SCRG1: variants seen among roughly 807,000 people sequenced by gnomAD.
SCRG1 encodes the protein scrapie-responsive protein 1.
A neutral mutation model predicts 7.7 loss-of-function variants in SCRG1; 3 were observed. The ratio of observed to expected loss-of-function variants is 0.39; its 90% CI spans 0.18 to 1.01. The LOEUF is 1.01. SCRG1 is among the 50% of genes least tolerant of loss of function. The pLI is 0.36. For synonymous variants in SCRG1, 46 were observed against 41.2 expected (o/e 1.12, Z -0.44); for missense variants, 110 against 117.2 (o/e 0.94, Z 0.28).
chr4:173,506,864 G>T, the SCRG1 span, among the ~76,000 whole-genome samples: 1 of 152,284 alleles, frequency 6.6e-6, no homozygotes, highest in Admixed American at 6.5e-5. This position sits in a 1 kb window ranked among gnomAD's most constrained non-coding sequence, Gnocchi z 5.3. Context: ...ATCGGTCTGG[G>T]AGCGAGTGGT....
chr4:173,473,640 G>T, the SCRG1 span, among the ~76,000 whole-genome samples: 1 of 152,144 alleles, frequency 6.6e-6, no homozygotes, highest in Non-Finnish European at 1.5e-5. Context: ...GGAAAAAGAG[G>T]CAGGGCTCAG....
rs749325462 is a variant in SCRG1 at position 173,387,705 on chromosome 4, C to CT, written c.*635dup. 0.024 allele frequency: 1,602 copies of CT among 66,950 alleles called. 6 individuals carry two copies. Among genetic ancestry groups the CT allele is most frequent in the Middle Eastern group, 0.037 (3 of 82 alleles). 4.1% of individuals were successfully genotyped at this position (66,950 alleles called of 1,614,324 possible). A position where few individuals can be genotyped will look rare whatever the true frequency, so the allele number is the denominator to read the frequency against. ...TACCCTCAAATATTGTTCCCTTTTC[C>CT]TTTTTTTTTTTTTTTTTTTTTTTTC... On this transcript the variant is annotated 3_prime_UTR_variant, in exon 3 of 3. Coordinates refer to ENST00000296506, the MANE Select transcript of SCRG1 (RefSeq NM_007281.4).
the SCRG1 span, among the ~76,000 whole-genome samples, chr4:173,446,417 A>G: frequency 6.6e-6 from 1 of 152,206 alleles, no homozygotes; most frequent in South Asian, 2.1e-4. Context: ...GGAAAAGCCA[A>G]TTTTAATGAA....
intron 1 of SCRG1, among the ~76,000 whole-genome samples, chr4:173,405,272 G>C (rs1372048739): frequency 2.0e-5 from 3 of 152,096 alleles, no homozygotes; most frequent in Non-Finnish European, 4.4e-5. Flanking sequence ...TTAAACTTGG[G>C]TTATGTGTTT....
chr4:173,450,295 G>T, the SCRG1 span, among the ~76,000 whole-genome samples: 3 of 152,156 alleles, frequency 2.0e-5, no homozygotes, highest in Admixed American at 6.5e-5. Flanking sequence ...TCTTTCCTTT[G>T]ACATTACAAT....
chr4:173,487,228 T>C, the SCRG1 span, among the ~76,000 whole-genome samples: 1 of 152,228 alleles, frequency 6.6e-6, no homozygotes, highest in Non-Finnish European at 1.5e-5. Context: ...AAATGAGACA[T>C]CTGGCAGATG....
the SCRG1 span, among the ~76,000 whole-genome samples, chr4:173,471,937 G>T: frequency 5.0e-4 from 76 of 152,172 alleles, no homozygotes; most frequent in African/African-American, 1.7e-3. Flanking sequence ...TCGAGCTCCT[G>T]ACCTCAGGTG....
the SCRG1 span, among the ~76,000 whole-genome samples, chr4:173,510,786 C>G: frequency 6.6e-6 from 1 of 152,130 alleles, no homozygotes; most frequent in Non-Finnish European, 1.5e-5. This position sits in a 1 kb window ranked among gnomAD's most constrained non-coding sequence, Gnocchi z 5.7. Context: ...TCGATAATCT[C>G]CAGGATCCAA....
the SCRG1 span, among the ~76,000 whole-genome samples, chr4:173,433,889 G>A: frequency 6.6e-6 from 1 of 152,184 alleles, no homozygotes; most frequent in Non-Finnish European, 1.5e-5. Context: ...CCTACTCTAT[G>A]AGGCTCTCAT....
At chr4:173,494,510 T>C in the SCRG1 span, among the ~76,000 whole-genome samples, 1 of 152,274 alleles carries the variant, frequency 6.6e-6, no homozygotes, top group African/African-American at 2.4e-5. Context: ...TACGCTCCAC[T>C]CGGAGCAAGC....
chr4:173,485,155 A>G, the SCRG1 span, among the ~76,000 whole-genome samples: 1 of 20,348 alleles, frequency 4.9e-5, no homozygotes, highest in South Asian at 8.9e-4. Flanking sequence ...AATGTAATAT[A>G]TAATATATTA....
At chr4:173,397,252 A>G (rs1185498400) in intron 1 of SCRG1, among the ~76,000 whole-genome samples, 2 of 152,118 alleles carry the variant, frequency 1.3e-5, no homozygotes, top group Non-Finnish European at 2.9e-5. Flanking sequence ...ATCCTTGGCA[A>G]TCCATCAAAA....
chr4:173,427,090 A>T, the SCRG1 span, among the ~76,000 whole-genome samples: 1 of 152,228 alleles, frequency 6.6e-6, no homozygotes, highest in African/African-American at 2.4e-5. Context: ...AGGGCCAGGC[A>T]CTGCCTAGTA....
At chr4:173,504,013 A>AAATTACT in the SCRG1 span, among the ~76,000 whole-genome samples, 1 of 152,308 alleles carries the variant, frequency 6.6e-6, no homozygotes, top group South Asian at 2.1e-4. The surrounding 1 kb of genome is among the most constrained non-coding windows in gnomAD (Gnocchi z 4.7). Context: ...ATTGCATTCC[A>AAATTACT]GTCCTGCACA....
the SCRG1 span, among the ~76,000 whole-genome samples, chr4:173,451,666 ATTTATTTATTTATTTATTT>A: frequency 2.0e-4 from 29 of 144,166 alleles, no homozygotes; most frequent in Non-Finnish European, 2.5e-4. Flanking sequence ...TTATTTATTT[ATTTATTTATTTATTTATTT>A]TGAGACAGAG....
the SCRG1 span, among the ~76,000 whole-genome samples, chr4:173,482,586 G>C: frequency 2.6e-4 from 40 of 152,094 alleles, 1 homozygote; most frequent in African/African-American, 8.9e-4. Context: ...GGGAGACTAA[G>C]GCTGGAGGAC....
chr4:173,485,061 ATT>A, the SCRG1 span, among the ~76,000 whole-genome samples: 1 of 9,552 alleles, frequency 1.0e-4, no homozygotes, highest in African/African-American at 2.5e-4. Context: ...TATATTATAT[ATT>A]ATATATTATA....
chr4:173,445,537 G>C, the SCRG1 span, among the ~76,000 whole-genome samples: 2 of 145,124 alleles, frequency 1.4e-5, no homozygotes, highest in African/African-American at 2.5e-5. Flanking sequence ...AGCCGATATC[G>C]TGCCACTGCA....
At chr4:173,502,363 G>C in the SCRG1 span, among the ~76,000 whole-genome samples, 1 of 152,152 alleles carries the variant, frequency 6.6e-6, no homozygotes, top group African/African-American at 2.4e-5. This position sits in a 1 kb window ranked among gnomAD's most constrained non-coding sequence, Gnocchi z 4.6. Context: ...GAATAACCCC[G>C]AAGGCAGCAG....
Sources: gnomAD v4.1 joint callset for allele counts (sites outside exome capture counted in the v4.1 genomes callset) on GRCh38, gnomAD v4.1.1 for gene constraint, Gnocchi (gnomAD v3.1) non-coding constraint, MANE v1.5 for transcripts, NCBI Gene and HGNC (gene_info 2026-07-23, HGNC 2026-07-21) for gene names.